KIF5C: variants seen among roughly 807,000 people sequenced by gnomAD.
The protein encoded by KIF5C is kinesin heavy chain isoform 5C.
A neutral mutation model predicts 125.2 loss-of-function variants in KIF5C; 18 were observed. The ratio of observed to expected loss-of-function variants is 0.14; its 90% CI spans 0.10 to 0.21. KIF5C has a LOEUF of 0.21. KIF5C is among the 10% of genes least tolerant of loss of function. The pLI is 1.00. For missense variants in KIF5C, 780 were observed against 1,183.8 expected (o/e 0.66, Z 5.01); for synonymous variants, 405 against 434.0 (o/e 0.93, Z 0.83).
chr2:148,943,870 A>G (rs1348705764), intron 7 of KIF5C, among the ~76,000 whole-genome samples: 2 of 152,246 alleles, frequency 1.3e-5, no homozygotes, highest in Admixed American at 1.3e-4. Context: ...ATATTCATGT[A>G]TATAGCAACT....
At chr2:148,893,186 G>A (rs1193915015) in intron 1 of KIF5C, among the ~76,000 whole-genome samples, 1 of 152,176 alleles carries the variant, frequency 6.6e-6, no homozygotes. Context: ...GCTCTTGCTT[G>A]AATTGCAGTA....
At chr2:148,996,479 G>T (rs990214942) in intron 17 of KIF5C, among the ~76,000 whole-genome samples, 2 of 152,212 alleles carry the variant, frequency 1.3e-5, no homozygotes, top group Admixed American at 1.3e-4. Context: ...TGGGGCCACT[G>T]AGTTGAAATA....
Position 149,010,226 on chromosome 2 carries a change from G to T in KIF5C, c.2642G>T (p.Ser881Ile). The change falls in exon 24 of 26, where the codon AGC becomes ATC. Residue 881 changes from serine to isoleucine, a missense_variant. Physicochemically the swap from Ser to Ile is moderately radical, Grantham distance 142. Coordinates refer to ENST00000435030, the MANE Select transcript of KIF5C (RefSeq NM_004522.3). ...ATAERVKALE[S>I]ALKEAKENAM... is the part of the protein sequence containing the mutation. ...GCGGAGCGCGTCAAGGCTCTGGAGA[G>T]CGCGCTGAAGGAGGCCAAGGAGAAC... 1 of 1,570,182 alleles carries T rather than the reference G, an allele frequency of 6.4e-7. No individual in the cohort carries two copies. Among genetic ancestry groups the T allele is most frequent in the Non-Finnish European group, 8.6e-7 (1 of 1,158,540 alleles).
intron 1 of KIF5C, among the ~76,000 whole-genome samples, chr2:148,899,165 T>A (rs979065548): frequency 2.0e-5 from 3 of 152,208 alleles, no homozygotes; most frequent in African/African-American, 7.2e-5. Context: ...AGTTCTTTCG[T>A]CATCGAACAC....
At chr2:148,889,944 G>A (rs1681657895) in intron 1 of KIF5C, among the ~76,000 whole-genome samples, 1 of 152,100 alleles carries the variant, frequency 6.6e-6, no homozygotes, top group African/African-American at 2.4e-5. Context: ...CCCCTTTCTG[G>A]GTGTGTTTGT....
intron 1 of KIF5C, among the ~76,000 whole-genome samples, chr2:148,899,721 A>C (rs975657774): frequency 6.6e-6 from 1 of 151,882 alleles, no homozygotes; most frequent in East Asian, 1.9e-4. Context: ...AAAAAAAAAA[A>C]AAAAGAAAAC....
At chr2:148,895,877 C>G (rs1463520855) in intron 1 of KIF5C, among the ~76,000 whole-genome samples, 4 of 1,932 alleles carry the variant, frequency 2.1e-3, no homozygotes, top group African/African-American at 2.5e-3. Flanking sequence ...CACACACACC[C>G]ACAGAGATCT....
At chr2:148,877,048 G>A (rs1020424933) in intron 1 of KIF5C, among the ~76,000 whole-genome samples, 27 of 152,224 alleles carry the variant, frequency 1.8e-4, no homozygotes, top group African/African-American at 6.0e-4. Flanking sequence ...CCTTTCTCAA[G>A]CGCCAGAGGC....
At chr2:148,906,188 C>G (rs975539400) in intron 1 of KIF5C, among the ~76,000 whole-genome samples, 1 of 152,084 alleles carries the variant, frequency 6.6e-6, no homozygotes, top group Non-Finnish European at 1.5e-5. Context: ...TCTTCTCTTG[C>G]CAGTAAATTC....
chr2:148,973,162 A>G (rs983324984), intron 11 of KIF5C, among the ~76,000 whole-genome samples, 174 bp from the exon 12 acceptor site: 1 of 152,166 alleles, frequency 6.6e-6, no homozygotes, highest in Non-Finnish European at 1.5e-5. Context: ...GTTTTGGCCA[A>G]TTAACTAAGA....
chr2:149,001,273 T>G (rs1400371511), intron 21 of KIF5C, among the ~76,000 whole-genome samples: 1 of 152,124 alleles, frequency 6.6e-6, no homozygotes, highest in East Asian at 1.9e-4. Context: ...TGGGGGAGGC[T>G]CCATGAGGAT....
intron 8 of KIF5C, 160 bp downstream of exon 8, chr2:148,947,183 G>A: frequency 1.7e-6 from 2 of 1,195,282 alleles, no homozygotes; most frequent in South Asian, 1.8e-5. Flanking sequence ...CTTTGTCCCT[G>A]CTTTCTTTTC....
chr2:148,924,007 A>G lies in KIF5C; in HGVS notation c.217+1780A>G, dbSNP rs1302589693. On this transcript the variant is annotated intron_variant, in intron 2 of 25. Transcript: ENST00000435030. The surrounding 1 kb of genome is among the most constrained non-coding windows in gnomAD (Gnocchi z 4.0). ...CAGAATAAAATCAGGCGCTGACATG[A>G]TATGACTAACAGACATTTCTAGGGT... is the stretch of plus-strand genomic sequence containing the variant. Among the ~76,000 whole-genome samples the G allele has an allele frequency of 1.3e-5, 2 of 152,218 alleles. No individual in the cohort carries two copies. Among genetic ancestry groups the G allele is most frequent in the Non-Finnish European group, 2.9e-5 (2 of 68,020 alleles).
chr2:148,994,171 A>G (rs1681601528), intron 16 of KIF5C, among the ~76,000 whole-genome samples: 1 of 152,106 alleles, frequency 6.6e-6, no homozygotes, highest in Non-Finnish European at 1.5e-5. Context: ...TGTTAACTGG[A>G]TGGTGAGGAG....
At chr2:148,905,771 T>C (rs1681080568) in intron 1 of KIF5C, among the ~76,000 whole-genome samples, 1 of 152,184 alleles carries the variant, frequency 6.6e-6, no homozygotes, top group East Asian at 1.9e-4. Context: ...TGCCCGAGAC[T>C]GGGTAATTTA....
chr2:148,997,416 A>C, intron 18 of KIF5C, 76 bp downstream of exon 18: 1 of 1,603,078 alleles, frequency 6.2e-7, no homozygotes, highest in Non-Finnish European at 8.5e-7. Flanking sequence ...GTTCTAGGAA[A>C]ATCTGTCACC....
Position 149,014,007 on chromosome 2 carries a change from G to T in KIF5C, c.*7+2324G>T, listed in dbSNP as rs1282007699. On this transcript the variant is annotated intron_variant, in intron 25 of 25. Coordinates refer to ENST00000435030, the MANE Select transcript of KIF5C (RefSeq NM_004522.3). The stretch of plus-strand genomic sequence containing the variant: ...ACATAAGTATACATGTGCCATGATG[G>T]TTTGCTGCACCCATCAACCCATCAT... 2.0e-5 allele frequency among the ~76,000 whole-genome samples: 3 copies of T among 152,222 alleles called. No homozygotes were observed. In the East Asian group the frequency reaches 5.8e-4, roughly 29 times the overall value.
intron 10 of KIF5C, among the ~76,000 whole-genome samples, chr2:148,950,883 T>C (rs1682642430): frequency 6.6e-6 from 1 of 152,170 alleles, no homozygotes; most frequent in South Asian, 2.1e-4. Flanking sequence ...AACAGCCTTT[T>C]ACTAAATTAC....
intron 11 of KIF5C, among the ~76,000 whole-genome samples, chr2:148,973,123 T>C (rs967461191): frequency 2.6e-5 from 4 of 152,112 alleles, no homozygotes; most frequent in Non-Finnish European, 5.9e-5. Flanking sequence ...GAGGGGAGGT[T>C]TTACATAGTT....
Sources: gnomAD v4.1 joint callset for allele counts (sites outside exome capture counted in the v4.1 genomes callset) on GRCh38, gnomAD v4.1.1 for gene constraint, Gnocchi (gnomAD v3.1) non-coding constraint, MANE v1.5 for transcripts, NCBI Gene and HGNC (gene_info 2026-07-23, HGNC 2026-07-21) for gene names.